LCOR: variants seen among roughly 807,000 people sequenced by gnomAD.
LCOR encodes the protein ligand-dependent corepressor.
A neutral mutation model predicts 64.4 loss-of-function variants in LCOR; 14 were observed. That is an observed-to-expected ratio of 0.22 (90% CI 0.14 to 0.34). The LOEUF (loss-of-function observed/expected upper bound fraction) is 0.34. Ranked by LOEUF, LCOR falls within the 10% of genes least tolerant of loss-of-function variation. The pLI is 1.00. For synonymous variants in LCOR, 643 were observed against 642.5 expected, an observed-to-expected ratio of 1.00 and a Z score of -0.01; for missense variants, 1,686 against 1,765.3, an observed-to-expected ratio of 0.96 and a Z score of 0.80.
chr10:96,893,014 T>A (rs1457010232), intron 2 of LCOR, among the ~76,000 whole-genome samples: 1 of 152,220 alleles, frequency 6.6e-6, no homozygotes, highest in Non-Finnish European at 1.5e-5. Flanking sequence ...CCTCCATGAC[T>A]GATTTTTGTG....
chr10:96,903,173 CAGTG>C (rs1364127477), intron 2 of LCOR, among the ~76,000 whole-genome samples: 2 of 152,112 alleles, frequency 1.3e-5, no homozygotes, highest in Admixed American at 6.5e-5. Flanking sequence ...CTGAGTGAGT[CAGTG>C]AGTAAGTGGT....
At chr10:96,856,353 G>A (rs1200937516) in intron 2 of LCOR, among the ~76,000 whole-genome samples, 3 of 152,082 alleles carry the variant, frequency 2.0e-5, no homozygotes, top group South Asian at 4.2e-4. Flanking sequence ...GAGCCACGGC[G>A]CCCAGCCCTA....
Position 96,957,685 on chromosome 10 carries a change from A to G in LCOR, c.332+5489A>G, listed in dbSNP as rs1204906702. 9 of 985,284 alleles carry G rather than the reference A, an allele frequency of 9.1e-6. No homozygotes were observed. In the East Asian group the frequency reaches 9.1e-4, roughly 99 times the overall value. The allele number at this position is 985,284 out of a possible 1,614,324, so 61.0% of individuals were successfully genotyped here. On this transcript the variant is annotated intron_variant, in intron 7 of 7. Coordinates refer to ENST00000421806, the MANE Select transcript of LCOR (RefSeq NM_001346516.2). ...CCAAGGCATAAATTCTTGCCTGGAAACTTTGGAGCAATTAATTAAATTAGG... is the reference window on the plus strand; with the variant it reads ...CCAAGGCATAAATTCTTGCCTGGAAGCTTTGGAGCAATTAATTAAATTAGG...
intron 2 of LCOR, among the ~76,000 whole-genome samples, chr10:96,893,719 C>T (rs541671335): frequency 1.9e-4 from 28 of 150,442 alleles, no homozygotes; most frequent in South Asian, 4.2e-4. Context: ...GCCAAGATCG[C>T]GCCACTACAC....
rs1848046872 is a variant in LCOR at position 96,977,246 on chromosome 10, G to T, written c.333-3547G>T. ...GTACCATTTTGGCACTTGGGATATG[G>T]CTTCTCAGCTAGTGAGTAAAATTCT... On this transcript the variant is annotated intron_variant, in intron 7 of 7. Coordinates refer to ENST00000421806, the MANE Select transcript of LCOR (RefSeq NM_001346516.2). Among the ~76,000 whole-genome samples, 4 of 152,264 alleles carry T rather than the reference G, an allele frequency of 2.6e-5. No individual in the cohort carries two copies. In the Middle Eastern group the frequency reaches 0.01, roughly 388 times the overall value.
chr10:96,894,746 TA>T (rs993035269), intron 2 of LCOR, among the ~76,000 whole-genome samples: 2 of 152,234 alleles, frequency 1.3e-5, no homozygotes, highest in African/African-American at 4.8e-5. Context: ...TAATGATTTT[TA>T]AAATATATAA....
At chr10:96,936,157 C>T (rs959221407) in intron 4 of LCOR, among the ~76,000 whole-genome samples, 4 of 152,240 alleles carry the variant, frequency 2.6e-5, no homozygotes, top group Non-Finnish European at 4.4e-5. Flanking sequence ...ACAACATGCC[C>T]CTGCAAAGGG....
In LCOR at chr10:96,983,043, C is replaced by A. The variant is rs763384590; in HGVS notation, c.2583C>A (p.His861Gln). 6.2e-7 allele frequency: 1 copy of A among 1,613,824 alleles called. No individual in the cohort carries two copies. Among genetic ancestry groups the A allele is most frequent in the African/African-American group, 1.3e-5 (1 of 74,862 alleles). The change falls in exon 8 of 8, where the codon CAC becomes CAA. Residue 861 changes from histidine to glutamine, a missense_variant. Coordinates refer to ENST00000421806, the MANE Select transcript of LCOR (RefSeq NM_001346516.2). The surrounding 1 kb of genome is among the most constrained non-coding windows in gnomAD (Gnocchi z 4.5). ...CAAAACGTTCAAAAAAAGAAGGGCA[C>A]CCTGGTGGGACAACACCTAAGGGCC... ...PSAKRSKKEG[H>Q]PGGTTPKGLL...
chr10:96,925,462 GTTTC>G (rs1310574386), intron 4 of LCOR, among the ~76,000 whole-genome samples: 3 of 152,024 alleles, frequency 2.0e-5, no homozygotes, highest in Non-Finnish European at 4.4e-5. Flanking sequence ...TTTTTCTGAT[GTTTC>G]TTTATGATTA....
At chr10:96,841,479 G>A (rs183809131) in intron 2 of LCOR, among the ~76,000 whole-genome samples, 2 of 150,670 alleles carry the variant, frequency 1.3e-5, no homozygotes, top group Admixed American at 1.3e-4. Context: ...TCTTGCCTTA[G>A]CCTCCCGAGT....
At chr10:96,974,123 TA>T (rs1421182495) in intron 7 of LCOR, among the ~76,000 whole-genome samples, 1 of 152,226 alleles carries the variant, frequency 6.6e-6, no homozygotes, top group African/African-American at 2.4e-5. Flanking sequence ...CAATCATTCT[TA>T]AACTGTAGCT....
At chr10:96,950,596 A>C (rs541065340) in intron 6 of LCOR, among the ~76,000 whole-genome samples, 1 of 152,246 alleles carries the variant, frequency 6.6e-6, no homozygotes, top group African/African-American at 2.4e-5. Flanking sequence ...TGTTATAACT[A>C]ATGTTACACT....
chr10:96,946,615 A>G (rs1847593915), intron 5 of LCOR, among the ~76,000 whole-genome samples: 1 of 152,032 alleles, frequency 6.6e-6, no homozygotes, highest in South Asian at 2.1e-4. Flanking sequence ...GGGTGTGGAT[A>G]TGTTTGTAGA....
rs554144528 is a variant in LCOR at position 96,946,110 on chromosome 10, T to C, written c.-51+1865T>C. Among the ~76,000 whole-genome samples the C allele has an allele frequency of 6.6e-5, 10 of 152,128 alleles. 1 individual carries two copies. The East Asian group carries it at 1.9e-3, about 29-fold the overall frequency. On this transcript the variant is annotated intron_variant, in intron 5 of 7. Coordinates refer to ENST00000421806, the MANE Select transcript of LCOR (RefSeq NM_001346516.2). ...GAACTGTTCCTTTGGAATTTGGACA[T>C]TTTCTTCCCCTTTATGTATTAATAT...
At chr10:96,833,076 C>T (rs1845374183) in intron 1 of LCOR, 2 of 986,272 alleles carry the variant, frequency 2.0e-6, no homozygotes, top group African/African-American at 3.5e-5. Flanking sequence ...ACTTCCTCAG[C>T]GGGCGGCGGT....
At chr10:96,944,608 T>A (rs1847555047) in intron 5 of LCOR, among the ~76,000 whole-genome samples, 1 of 151,042 alleles carries the variant, frequency 6.6e-6, no homozygotes, top group African/African-American at 2.4e-5. Context: ...TTTTTTTTTT[T>A]AGTAATTTCA....
At position 96,984,866 on chromosome 10, in the gene LCOR, C is replaced by G. The variant is rs753183709; in HGVS notation, c.4406C>G (p.Pro1469Arg). Residue 1469 changes from proline to arginine, a missense_variant, in exon 8 of 8, where the codon CCT (proline) becomes CGT (arginine). Around this residue, in one of 3 missense-constraint regions of LCOR, gnomAD observed 1,293 missense variants for 1,410.4 expected, o/e 0.92. Coordinates refer to ENST00000421806, the MANE Select transcript of LCOR (RefSeq NM_001346516.2). Reference sequence around the variant, plus strand: ...AAAAAGTCCGCTGGGAAGAGCTGCCCTCCCTCCAGGAAAGAAAAAGAGAAT... The same window carrying G: ...AAAAAGTCCGCTGGGAAGAGCTGCCGTCCCTCCAGGAAAGAAAAAGAGAAT... ...IPKKSAGKSCPPSRKEKENTN... is the reference protein window; with the variant it reads ...IPKKSAGKSCRPSRKEKENTN... The G allele has an allele frequency of 6.2e-7, 1 of 1,614,060 alleles. No homozygotes were observed.
chr10:96,948,704 G>C (rs944853700), intron 5 of LCOR, among the ~76,000 whole-genome samples: 1 of 152,018 alleles, frequency 6.6e-6, no homozygotes, highest in Non-Finnish European at 1.5e-5. Flanking sequence ...CTAAGTGAAG[G>C]GTTTTGGGAT....
At chr10:96,955,512 A>C in intron 7 of LCOR, 1 of 1,614,174 alleles carries the variant, frequency 6.2e-7, no homozygotes, top group South Asian at 1.1e-5. Context: ...TATTCTTCCA[A>C]AACAAAGTAG....
Sources: gnomAD v4.1 joint callset for allele counts (sites outside exome capture counted in the v4.1 genomes callset) on GRCh38, gnomAD v4.1.1 for gene constraint, gnomAD v4.1.1 regional missense constraint, Gnocchi (gnomAD v3.1) non-coding constraint, MANE v1.5 for transcripts, NCBI Gene and HGNC (gene_info 2026-07-23, HGNC 2026-07-21) for gene names.